The following PLAT variants were observed in gnomAD, a reference collection of about 807,000 sequenced individuals.
PLAT encodes the protein plasminogen activator, tissue type, also known as tissue-type plasminogen activator.
In PLAT, 48 loss-of-function variants were observed where a neutral mutation model predicts 74.9. The observed-to-expected ratio is 0.64, with a 90% CI of 0.51 to 0.82. PLAT has a LOEUF of 0.82. Among genes scored for constraint, PLAT ranks in the 40% least tolerant of loss-of-function variants. The pLI, the probability that PLAT is intolerant of heterozygous loss-of-function variation, is 0.00. For missense variants in PLAT, 673 were observed against 736.2 expected (o/e 0.91, Z 0.99); for synonymous variants, 307 against 294.4 (o/e 1.04, Z -0.44).
chr8:42,202,812 G>T (rs1563265098), intron 1 of PLAT, among the ~76,000 whole-genome samples: 1 of 152,296 alleles, frequency 6.6e-6, no homozygotes, highest in East Asian at 1.9e-4. Context: ...TGTTGAGGTT[G>T]GGGTGGTCAG....
chr8:42,194,802 C>T (rs1414610960), intron 1 of PLAT, among the ~76,000 whole-genome samples: 4 of 132,354 alleles, frequency 3.0e-5, no homozygotes, highest in Admixed American at 2.4e-4. Flanking sequence ...CCACCCCCCC[C>T]ACCGCTCTGC....
chr8:42,205,657 A>G (rs1806302538), intron 1 of PLAT, among the ~76,000 whole-genome samples: 1 of 152,106 alleles, frequency 6.6e-6, no homozygotes, highest in African/African-American at 2.4e-5. Context: ...TCTCTTATCT[A>G]CCTATGACCT....
rs184239040 is a variant in PLAT at position 42,178,909 on chromosome 8, G to A, written c.1518C>T (p.His506=). 62 of 1,613,340 alleles carry A rather than the reference G, an allele frequency of 3.8e-5. No homozygotes were observed. The highest frequency in any genetic ancestry group is 2.8e-4 in the Admixed American group (17 of 60,024). Reference sequence around the variant, plus strand: ...CACTCCTGGTTACCTGGCAGGCGTCGTGCAAGTTTGCCTGGGGCCCGCCGC... The same window carrying A: ...CACTCCTGGTTACCTGGCAGGCGTCATGCAAGTTTGCCTGGGGCCCGCCGC... The part of the protein sequence containing the change: ...TRSGGPQANL[H]DACQGDSGGP... The change falls in exon 13 of 14, where the codon CAC becomes CAT. Residue 506 remains histidine, a synonymous_variant. Coordinates refer to ENST00000220809, the MANE Select transcript of PLAT (RefSeq NM_000930.5).
Position 42,189,336 on chromosome 8 carries a change from G to C in PLAT, c.116-265C>G, listed in dbSNP as rs551292251. ...AGTTCGAGACCAGCCTGGCCAACAT[G>C]GTGAAACCCTATCTCTACTAAAAAT... On this transcript the variant is annotated intron_variant, in intron 3 of 13. Transcript: ENST00000220809. Among the ~76,000 whole-genome samples, 12 of 151,938 alleles carry C rather than the reference G, an allele frequency of 7.9e-5. No individual in the cohort carries two copies. In the South Asian group the frequency reaches 2.5e-3, roughly 32 times the overall value.
In PLAT at chr8:42,187,403, G is replaced by A. The variant is rs758152078; in HGVS notation, c.534C>T (p.Tyr178=). 5.1e-6 allele frequency: 8 copies of A among 1,581,080 alleles called. No individual in the cohort carries two copies. In the East Asian group the frequency reaches 1.3e-4, roughly 27 times the overall value. The part of the protein sequence containing the change: ...AIRLGLGNHN[Y]CRNPDRDSKP... The stretch of plus-strand genomic sequence containing the variant: ...CCTTGGGGATGTGCCCTCACCTGCA[G>A]TAGTTGTGGTTCCCCAGGCCCAGCC... The change falls in exon 6 of 14, where the codon TAC becomes TAT. Residue 178 remains tyrosine (Y), a synonymous_variant. Coordinates refer to ENST00000220809, the MANE Select transcript of PLAT (RefSeq NM_000930.5).
intron 1 of PLAT, among the ~76,000 whole-genome samples, chr8:42,199,373 G>A (rs1263348953): frequency 6.6e-6 from 1 of 152,218 alleles, no homozygotes; most frequent in African/African-American, 2.4e-5. Context: ...TCAGGAGGCT[G>A]AGGCAGGAGC....
chr8:42,195,140 A>G (rs1368135128), intron 1 of PLAT, among the ~76,000 whole-genome samples: 1 of 147,046 alleles, frequency 6.8e-6, no homozygotes, highest in Non-Finnish European at 1.5e-5. Context: ...CGAGCGTCCT[A>G]GGGGCCTGGA....
Position 42,187,385 on chromosome 8 carries a change from G to T in PLAT, c.539+13C>A. 6.4e-7 allele frequency: 1 copy of T among 1,558,572 alleles called. No individual in the cohort carries two copies. Among genetic ancestry groups the T allele is most frequent in the South Asian group, 1.2e-5 (1 of 86,896 alleles). The stretch of plus-strand genomic sequence containing the variant: ...CTCACAGGGGGAATCCCTCCTTGGG[G>T]ATGTGCCCTCACCTGCAGTAGTTGT... On this transcript the variant is annotated intron_variant, in intron 6 of 13. Transcript: ENST00000220809.
chr8:42,200,955 G>A (rs752484190), intron 1 of PLAT, among the ~76,000 whole-genome samples: 58 of 151,954 alleles, frequency 3.8e-4, no homozygotes, highest in Non-Finnish European at 2.1e-4. Flanking sequence ...TCAGCCTCCC[G>A]AGTAGCTCGG....
rs968701455 is a variant in PLAT, at chr8:42,180,304, A to G, written c.1160T>C (p.Phe387Ser). 24 of 1,614,216 alleles carry G rather than the reference A, an allele frequency of 1.5e-5. No homozygotes were observed. The highest frequency in any genetic ancestry group is 8.9e-5 in the East Asian group (4 of 44,884). The stretch of plus-strand genomic sequence containing the variant: ...ATGGACAATGTATTTTTCGACTTCA[A>G]ATTTCTGCTCCTCCTCGCCAGGGAC... ...RVVPGEEEQKFEVEKYIVHKE... is the reference protein window; with the variant it reads ...RVVPGEEEQKSEVEKYIVHKE... The change falls in exon 11 of 14, where the codon TTT becomes TCT. Residue 387 changes from phenylalanine (F) to serine (S), a missense_variant. Coordinates refer to ENST00000220809, the MANE Select transcript of PLAT (RefSeq NM_000930.5).
In PLAT at chr8:42,207,557, C is replaced by G. The variant is rs1806394418; in HGVS notation, c.-90G>C. On this transcript the variant is annotated 5_prime_UTR_variant, in exon 1 of 14. Coordinates refer to ENST00000220809, the MANE Select transcript of PLAT (RefSeq NM_000930.5). ...CTCCAGCCCTGGACTCCTGTAGGAT[C>G]TCAGCTCTGAGCTCCCCACAGCTCC... The G allele has an allele frequency of 1.3e-5, 2 of 152,312 alleles. No individual in the cohort carries two copies. The highest frequency in any genetic ancestry group is 4.8e-5 in the African/African-American group (2 of 41,470). The allele number at this position is 152,312 out of a possible 1,614,324, so 9.4% of individuals were successfully genotyped here.
chr8:42,194,398 A>G lies in PLAT; in HGVS notation c.-26-1187T>C, dbSNP rs537878300. On this transcript the variant is annotated intron_variant, in intron 1 of 13. Transcript: ENST00000220809. ...TCAGGCGTGAGCCACCGCGCCCAGC[A>G]TTTTTCCTTCCTTTTTAAAGCTGAA... 2.0e-5 allele frequency among the ~76,000 whole-genome samples: 3 copies of G among 152,018 alleles called. No homozygotes were observed. In the South Asian group the frequency reaches 6.2e-4, roughly 32 times the overall value.
rs761230661 is a variant in PLAT at position 42,180,037 on chromosome 8, G to A, written c.1252C>T (p.Arg418Cys). 8 of 1,609,202 alleles carry A rather than the reference G, an allele frequency of 5.0e-6. No individual in the cohort carries two copies. In the East Asian group the frequency reaches 1.8e-4, roughly 36 times the overall value. Residue 418 changes from arginine (R) to cysteine (C), a missense_variant, in exon 12 of 14, where the codon CGC becomes TGC. Physicochemically the swap from Arg to Cys is radical, Grantham distance 180. Transcript: ENST00000220809. ...ALLQLKSDSS[R>C]CAQESSVVRT... is the part of the protein sequence containing the mutation. ...ACCACGCTGCTCTCCTGGGCACAGC[G>A]GGACGAATCCGATTTCAGCTGCAGC...
At chr8:42,195,086 C>T (rs970582157) in intron 1 of PLAT, among the ~76,000 whole-genome samples, 1 of 152,164 alleles carries the variant, frequency 6.6e-6, no homozygotes, top group African/African-American at 2.4e-5. Flanking sequence ...CATTTCCCTT[C>T]GGTCACAACA....
At chr8:42,194,050 C>CTTTTTTTTTTTTTTTTTT (rs59850705) in intron 1 of PLAT, among the ~76,000 whole-genome samples, 19 of 84,906 alleles carry the variant, frequency 2.2e-4, no homozygotes, top group South Asian at 9.6e-4. Context: ...TTTCTTCTTT[C>CTTTTTTTTTTTTTTTTTT]TTTTTTTTTT....
intron 8 of PLAT, 61 bp downstream of exon 8, chr8:42,182,658 G>A (rs1805294084): frequency 3.8e-6 from 5 of 1,302,822 alleles, no homozygotes; most frequent in South Asian, 1.4e-5. Flanking sequence ...ATCTTCCCCC[G>A]TCTCACACCC....
intron 1 of PLAT, among the ~76,000 whole-genome samples, chr8:42,205,026 G>C (rs186814887): frequency 1.1e-4 from 17 of 152,214 alleles, no homozygotes; most frequent in African/African-American, 3.9e-4. Context: ...CGGCTACAAA[G>C]ATAAAAGGCT....
intron 13 of PLAT, 121 bp downstream of exon 13, chr8:42,178,776 G>T: frequency 1.1e-6 from 1 of 902,628 alleles, no homozygotes; most frequent in East Asian, 2.5e-5. Context: ...ATCCCCAGGG[G>T]TATCACTAAG....
At chr8:42,187,656 TC>T in intron 5 of PLAT, 84 bp from the exon 6 acceptor site, 2 of 1,327,292 alleles carry the variant, frequency 1.5e-6, no homozygotes, top group South Asian at 1.4e-5. Flanking sequence ...TGCCCCGTCC[TC>T]CCCCAGGCCT....
Sources: allele counts gnomAD v4.1 joint callset (sites outside exome capture counted in the v4.1 genomes callset), GRCh38; gene constraint gnomAD v4.1.1; transcripts MANE v1.5; gene names NCBI Gene and HGNC (gene_info 2026-07-23, HGNC 2026-07-21).